CIDEC: variants seen among roughly 807,000 people sequenced by gnomAD.
The protein encoded by CIDEC is lipid transferase CIDEC.
CIDEC carries 11 observed loss-of-function variants against 21.9 expected under a neutral mutation model. The observed-to-expected ratio is 0.50, with a 90% CI of 0.32 to 0.83. The LOEUF (loss-of-function observed/expected upper bound fraction) is 0.83, where lower values mean the gene tolerates loss of function less well. Among genes scored for constraint, CIDEC ranks in the 40% least tolerant of loss-of-function variants. CIDEC has a pLI of 0.04. For synonymous variants in CIDEC, 127 were observed against 124.9 expected (o/e 1.02, Z -0.11); for missense variants, 302 against 302.3 (o/e 1.00, Z 0.01).
intron 4 of CIDEC, among the ~76,000 whole-genome samples, chr3:9,875,177 C>G (rs575806766): frequency 6.6e-6 from 1 of 152,140 alleles, no homozygotes; most frequent in East Asian, 1.9e-4. Flanking sequence ...AGATTGAGGC[C>G]ATCCTGGCTA....
rs369328073 is a variant in CIDEC at position 9,877,234 on chromosome 3, G to A, written c.54-15C>T. On this transcript the variant is annotated splice_polypyrimidine_tract_variant and intron_variant, in intron 3 of 6. Transcript: ENST00000336832. Reference sequence around the variant, plus strand: ...CTGACACATGCCTGGGGCAGTTGAAGCATCAGGGTGAGCCACCCACTTTGC... The same window carrying A: ...CTGACACATGCCTGGGGCAGTTGAAACATCAGGGTGAGCCACCCACTTTGC... 6.5e-6 allele frequency: 10 copies of A among 1,549,762 alleles called. No homozygotes were observed. In the African/African-American group the frequency reaches 1.4e-4, roughly 21 times the overall value.
rs189509177 is a variant in CIDEC, at chr3:9,878,668, G to A, written c.-25-157C>T. On this transcript the variant is annotated intron_variant, in intron 2 of 6. Transcript: ENST00000336832. ...ACCTCCCCCAGCCCTTCTCCTGTCC[G>A]GCCCCATGCATGCCAACCAAGACCA... The A allele has an allele frequency of 1.7e-5, 23 of 1,347,568 alleles. No homozygotes were observed. The Admixed American group carries it at 3.4e-4, about 20-fold the overall frequency. 83.5% of individuals were successfully genotyped at this position (1,347,568 alleles called of 1,614,324 possible). A position where few individuals can be genotyped will look rare whatever the true frequency, so the allele number is the denominator to read the frequency against.
In CIDEC at chr3:9,867,037, C is replaced by G; in HGVS notation, c.*97G>C. The G allele has an allele frequency of 1.5e-6, 2 of 1,370,556 alleles. No individual in the cohort carries two copies. Among genetic ancestry groups the G allele is most frequent in the South Asian group, 2.3e-5 (2 of 86,280 alleles). The allele number at this position is 1,370,556 out of a possible 1,614,324, so 84.9% of individuals were successfully genotyped here. ...GCGGTGAGGGAGGTGTGGGGAGGTTCGCGGCTCTACAGCTGCCAGGCTTGT... is the reference window on the plus strand; with the variant it reads ...GCGGTGAGGGAGGTGTGGGGAGGTTGGCGGCTCTACAGCTGCCAGGCTTGT... On this transcript the variant is annotated 3_prime_UTR_variant, in exon 7 of 7. Transcript: ENST00000336832.
intron 4 of CIDEC, among the ~76,000 whole-genome samples, chr3:9,876,773 A>C (rs1337346123): frequency 1.1e-5 from 1 of 93,364 alleles, no homozygotes; most frequent in East Asian, 3.3e-4. Context: ...AAAAAAAAAA[A>C]AAAAAAAAAA....
chr3:9,867,764 C>A (rs964021624), intron 6 of CIDEC, among the ~76,000 whole-genome samples: 1 of 152,104 alleles, frequency 6.6e-6, no homozygotes, highest in Non-Finnish European at 1.5e-5. Context: ...CCCGTCTCTA[C>A]TAAAAAATAC....
chr3:9,877,029 C>T (rs973565068), intron 4 of CIDEC, 37 bp downstream of exon 4: 2 of 1,532,114 alleles, frequency 1.3e-6, no homozygotes, highest in Non-Finnish European at 1.8e-6. Context: ...TGAATCCCAG[C>T]TCACAGCTGG....
intron 4 of CIDEC, among the ~76,000 whole-genome samples, chr3:9,871,486 C>T (rs1249787202): frequency 6.6e-6 from 1 of 151,500 alleles, no homozygotes; most frequent in East Asian, 1.9e-4. Context: ...CACAATGGGC[C>T]TATGTTTAAC....
chr3:9,878,297 C>T, intron 3 of CIDEC, 137 bp downstream of exon 3: 2 of 744,104 alleles, frequency 2.7e-6, no homozygotes, highest in Non-Finnish European at 4.9e-6. Context: ...AATCTCGGGT[C>T]CCACTCCAGA....
intron 4 of CIDEC, 36 bp downstream of exon 4, chr3:9,877,009 CCATCTCTGCTGAATCCCAGCT>C: frequency 6.9e-7 from 1 of 1,450,210 alleles, no homozygotes; most frequent in Middle Eastern, 1.7e-4. Flanking sequence ...GCCCTGACCT[CCATCTCTGCTGAATCCCAGCT>C]CACAGCTGGG....
intron 4 of CIDEC, among the ~76,000 whole-genome samples, chr3:9,873,918 C>T (rs2082385096): frequency 6.6e-6 from 1 of 152,060 alleles, no homozygotes; most frequent in South Asian, 2.1e-4. Flanking sequence ...CAGTAAGGGC[C>T]TGGGATCAGC....
At chr3:9,879,626 C>T (rs992915930) in intron 1 of CIDEC, among the ~76,000 whole-genome samples, 5 of 152,212 alleles carry the variant, frequency 3.3e-5, no homozygotes, top group African/African-American at 1.2e-4. Context: ...CCTCTGTGCT[C>T]CAACTCTTGA....
intron 6 of CIDEC, among the ~76,000 whole-genome samples, chr3:9,868,148 C>T (rs761927038): frequency 8.5e-5 from 13 of 152,296 alleles, no homozygotes; most frequent in South Asian, 2.1e-4. Context: ...AAGATTAGTG[C>T]GAGGACCTGC....
intron 4 of CIDEC, chr3:9,870,562 C>A: frequency 8.1e-7 from 1 of 1,230,096 alleles, no homozygotes; most frequent in South Asian, 1.3e-5. Context: ...AAGTTACCCT[C>A]TAAAAGTGTA....
chr3:9,870,212 C>T lies in CIDEC; in HGVS notation c.318G>A (p.Val106=). ...TCTGCCCCTTCTGGAGGACCATGAA[C>T]ACTGTATCCCCTGCCAGGGCTTGGA... The part of the protein sequence containing the change: ...EYFQALAGDT[V]FMVLQKGQKW... Residue 106 remains valine (V), a synonymous_variant, in exon 5 of 7, where the codon GTG becomes GTA. Transcript: ENST00000336832. 6.2e-7 allele frequency: 1 copy of T among 1,614,186 alleles called. No homozygotes were observed. The highest frequency in any genetic ancestry group is 8.5e-7 in the Non-Finnish European group (1 of 1,180,028).
intron 3 of CIDEC, chr3:9,878,171 T>G: frequency 2.1e-6 from 1 of 475,262 alleles, no homozygotes; most frequent in South Asian, 2.4e-5. Flanking sequence ...GTTGTGAGGC[T>G]TACATGAGAT....
chr3:9,871,796 A>G (rs2082351989), intron 4 of CIDEC, among the ~76,000 whole-genome samples: 1 of 151,718 alleles, frequency 6.6e-6, no homozygotes, highest in Non-Finnish European at 1.5e-5. Context: ...ACACCCAGCT[A>G]ATTTTATACT....
intron 4 of CIDEC, among the ~76,000 whole-genome samples, chr3:9,875,376 CAAAA>C (rs34070196): frequency 8.6e-6 from 1 of 116,904 alleles, no homozygotes; most frequent in East Asian, 2.5e-4. Context: ...GACTCTGTCT[CAAAA>C]AAAAAAAAAA....
At chr3:9,873,090 G>GT (rs2082372383) in intron 4 of CIDEC, among the ~76,000 whole-genome samples, 1 of 151,868 alleles carries the variant, frequency 6.6e-6, no homozygotes, top group African/African-American at 2.4e-5. Context: ...TTTTGGTTTT[G>GT]TTTTTTTGTT....
chr3:9,866,995 C>A lies in CIDEC; in HGVS notation c.*139G>T, dbSNP rs752118292. The A allele has an allele frequency of 2.4e-5, 23 of 968,910 alleles. No individual in the cohort carries two copies. Among genetic ancestry groups the A allele is most frequent in the Non-Finnish European group, 3.7e-5 (22 of 598,278 alleles). The allele number at this position is 968,910 out of a possible 1,614,324, so 60.0% of individuals were successfully genotyped here. A position where few individuals can be genotyped will look rare whatever the true frequency, so the allele number is the denominator to read the frequency against. ...CACCCCAGGTTTCCAGCTCCTCCTC[C>A]TCACTCAGGGTCCTGCGCGGTGAGG... On this transcript the variant is annotated 3_prime_UTR_variant, in exon 7 of 7. Coordinates refer to ENST00000336832, the MANE Select transcript of CIDEC (RefSeq NM_001321142.2).
Sources: allele counts gnomAD v4.1 joint callset (sites outside exome capture counted in the v4.1 genomes callset), GRCh38; gene constraint gnomAD v4.1.1; transcripts MANE v1.5; gene names NCBI Gene and HGNC (gene_info 2026-07-23, HGNC 2026-07-21).